MYPN: variants seen among roughly 807,000 people sequenced by gnomAD.
MYPN encodes the protein sarcomeric protein myopalladin, 145 kDa (MYOP).
A neutral mutation model predicts 129.4 loss-of-function variants in MYPN; 63 were observed. That is an observed-to-expected ratio of 0.49 (90% CI 0.40 to 0.60). The LOEUF is 0.60. MYPN is among the 20% of genes least tolerant of loss of function. MYPN has a pLI of 0.00. For synonymous variants in MYPN, 629 were observed against 600.9 expected (o/e 1.05, Z -0.68); for missense variants, 1,596 against 1,635.4 (o/e 0.98, Z 0.42).
Position 68,194,255 on chromosome 10 carries a change from A to C in MYPN, c.2926-108A>C, listed in dbSNP as rs535322775. ...CTTTTTTTCAAGTGCTTCATAAAGT[A>C]TGGTCACTTAAAAGATGGCAGTTGG... is the stretch of plus-strand genomic sequence containing the variant. On this transcript the variant is annotated intron_variant, in intron 13 of 19. Coordinates refer to ENST00000358913, the MANE Select transcript of MYPN (RefSeq NM_032578.4). 4.5e-5 allele frequency: 53 copies of C among 1,166,696 alleles called. 1 individual carries two copies. Among genetic ancestry groups the C allele is most frequent in the Non-Finnish European group, 5.5e-5 (44 of 800,318 alleles). The allele number at this position is 1,166,696 out of a possible 1,614,324, so 72.3% of individuals were successfully genotyped here.
intron 19 of MYPN, 112 bp from the exon 20 acceptor site, chr10:68,210,174 C>T (rs908213381): frequency 8.0e-6 from 10 of 1,247,608 alleles, no homozygotes; most frequent in Non-Finnish European, 1.0e-5. Flanking sequence ...TAGTTATATG[C>T]TTTACCAAGA....
chr10:68,163,542 T>C (rs2043010806), intron 8 of MYPN, among the ~76,000 whole-genome samples: 1 of 151,846 alleles, frequency 6.6e-6, no homozygotes, highest in African/African-American at 2.4e-5. Context: ...GGCGAGAGAA[T>C]GGTGTGAACC....
chr10:68,098,291 T>C (rs1335399477), intron 1 of MYPN, among the ~76,000 whole-genome samples: 2 of 152,066 alleles, frequency 1.3e-5, no homozygotes, highest in Non-Finnish European at 2.9e-5. Context: ...GCTTATCTAT[T>C]TTTTTATTAT....
chr10:68,140,590 C>T (rs367930166), intron 2 of MYPN, among the ~76,000 whole-genome samples: 1 of 151,460 alleles, frequency 6.6e-6, no homozygotes, highest in African/African-American at 2.4e-5. Context: ...GAGGTAATAT[C>T]TGAGCCAAAT....
At position 68,120,631 on chromosome 10, in the gene MYPN, TC is replaced by T. The variant is rs202199364; in HGVS notation, c.-1-805del. 5.8e-3 allele frequency among the ~76,000 whole-genome samples: 891 copies of T among 152,326 alleles called. 9 individuals are homozygous for T. Among genetic ancestry groups the T allele is most frequent in the African/African-American group, 0.021 (856 of 41,574 alleles). On this transcript the variant is annotated intron_variant, in intron 1 of 19. Transcript: ENST00000358913. ...CAAAAAACAAAAGCATTGTTTACTT[TC>T]CATGAGCTAGCTAGATCAAGTTCAT...
chr10:68,191,667 C>T (rs1242142958), intron 13 of MYPN, among the ~76,000 whole-genome samples: 1 of 152,064 alleles, frequency 6.6e-6, no homozygotes, highest in Non-Finnish European at 1.5e-5. Flanking sequence ...TGTGTGTGTG[C>T]CCTCTTCTAT....
Position 68,174,573 on chromosome 10 carries a change from G to A in MYPN, c.2481G>A (p.Val827=), listed in dbSNP as rs1352328845. 1 of 1,614,016 alleles carries A rather than the reference G, an allele frequency of 6.2e-7. No individual in the cohort carries two copies. The highest frequency in any genetic ancestry group is 8.5e-7 in the Non-Finnish European group (1 of 1,180,016). Residue 827 remains valine (V), a synonymous_variant, in exon 11 of 20, where the codon GTG becomes GTA. Transcript: ENST00000358913. ...CTACCAGCCGGATTCAGAACCCAGTGGCTTTCCTCAGCTCTGTTCTGCCTT... is the reference window on the plus strand; with the variant it reads ...CTACCAGCCGGATTCAGAACCCAGTAGCTTTCCTCAGCTCTGTTCTGCCTT... ...VSPTSRIQNP[V]AFLSSVLPSL...
intron 12 of MYPN, among the ~76,000 whole-genome samples, chr10:68,187,966 G>C (rs993879252): frequency 6.6e-6 from 1 of 152,132 alleles, no homozygotes; most frequent in African/African-American, 2.4e-5. Flanking sequence ...AAGAACACAA[G>C]ACTAATTGAA....
At chr10:68,093,860 C>CTGTT (rs2041942903) in intron 1 of MYPN, among the ~76,000 whole-genome samples, 2 of 152,148 alleles carry the variant, frequency 1.3e-5, no homozygotes, top group East Asian at 3.9e-4. Flanking sequence ...TGATTATATG[C>CTGTT]TAAACAAGGG....
intron 8 of MYPN, 183 bp downstream of exon 8, chr10:68,161,935 G>T: frequency 2.1e-6 from 1 of 484,268 alleles, no homozygotes; most frequent in East Asian, 3.5e-5. Context: ...GGCCGAGGCG[G>T]GCGGATTACT....
chr10:68,193,741 A>G (rs992535590), intron 13 of MYPN, among the ~76,000 whole-genome samples: 1 of 152,080 alleles, frequency 6.6e-6, no homozygotes, highest in African/African-American at 2.4e-5. Context: ...TGTCTTTGAG[A>G]GATCTCCTTC....
chr10:68,198,019 C>A (rs1004762987), intron 16 of MYPN, among the ~76,000 whole-genome samples: 100 of 152,232 alleles, frequency 6.6e-4, no homozygotes, highest in African/African-American at 2.4e-3. Flanking sequence ...AACTTAGAAA[C>A]TTTATTTCTG....
chr10:68,158,523 T>A lies in MYPN; in HGVS notation c.1355T>A (p.Val452Asp). 1.2e-6 allele frequency: 2 copies of A among 1,614,070 alleles called. No individual in the cohort carries two copies. The highest frequency in any genetic ancestry group is 1.7e-6 in the Non-Finnish European group (2 of 1,179,922). Residue 452 changes from valine (V) to aspartate (D), a missense_variant, in exon 7 of 20, where the codon GTT (valine) becomes GAT (aspartate). Coordinates refer to ENST00000358913, the MANE Select transcript of MYPN (RefSeq NM_032578.4). Reference sequence around the variant, plus strand: ...TTGTCAGCTTCTGAGGGTCAGCTGGTTGTCTTTGAATGCAGAGTAAAAGGA... The same window carrying A: ...TTGTCAGCTTCTGAGGGTCAGCTGGATGTCTTTGAATGCAGAGTAAAAGGA... ...QNLSASEGQLVVFECRVKGAP... is the reference protein window; with the variant it reads ...QNLSASEGQLDVFECRVKGAP...
At chr10:68,208,222 A>C (rs1389347947) in intron 19 of MYPN, among the ~76,000 whole-genome samples, 1 of 152,150 alleles carries the variant, frequency 6.6e-6, no homozygotes, top group African/African-American at 2.4e-5. Flanking sequence ...GGCTTAACCT[A>C]ATTAGCCAAA....
At chr10:68,129,040 G>A (rs1275048480) in intron 2 of MYPN, among the ~76,000 whole-genome samples, 1 of 151,750 alleles carries the variant, frequency 6.6e-6, no homozygotes. Flanking sequence ...AGTTCCAAGA[G>A]GTCAGATTCT....
At chr10:68,140,248 T>C (rs961515618) in intron 2 of MYPN, among the ~76,000 whole-genome samples, 1 of 151,750 alleles carries the variant, frequency 6.6e-6, no homozygotes, top group African/African-American at 2.4e-5. Flanking sequence ...GGTCCAGAAA[T>C]CAGATCTGGA....
chr10:68,182,054 T>G (rs1025516698), intron 12 of MYPN, among the ~76,000 whole-genome samples: 1 of 151,900 alleles, frequency 6.6e-6, no homozygotes, highest in East Asian at 1.9e-4. Flanking sequence ...TGAAATCATC[T>G]AAGCTGTCCT....
At chr10:68,164,304 GA>G (rs2043022740) in intron 8 of MYPN, among the ~76,000 whole-genome samples, 1 of 152,196 alleles carries the variant, frequency 6.6e-6, no homozygotes. Flanking sequence ...GGGAGGGAGA[GA>G]GGGGGCCACT....
chr10:68,142,466 T>A (rs753131217), intron 2 of MYPN, among the ~76,000 whole-genome samples: 2 of 152,212 alleles, frequency 1.3e-5, no homozygotes, highest in Non-Finnish European at 2.9e-5. Flanking sequence ...CTTACTCTGA[T>A]GGCTCAAGTA....
Sources: gnomAD v4.1 joint callset for allele counts (sites outside exome capture counted in the v4.1 genomes callset) on GRCh38, gnomAD v4.1.1 for gene constraint, MANE v1.5 for transcripts, NCBI Gene and HGNC (gene_info 2026-07-23, HGNC 2026-07-21) for gene names.